The following SAXO1 variants were observed in gnomAD, a reference collection of about 807,000 sequenced individuals.
SAXO1 encodes the protein stabilizer of axonemal microtubules 1, also known as 4930500O09Rik.
In SAXO1, 21 loss-of-function variants were observed where a neutral mutation model predicts 17.5. The observed-to-expected ratio is 1.20, with a 90% CI of 0.85 to 1.72. The LOEUF (loss-of-function observed/expected upper bound fraction) is 1.72, where lower values mean the gene tolerates loss of function less well. Among genes scored for constraint, SAXO1 ranks in the 40% most tolerant of loss-of-function variants. SAXO1 has a pLI of 0.00. For synonymous variants in SAXO1, 274 were observed against 216.5 expected (o/e 1.27, Z -2.33); for missense variants, 843 against 596.0 (o/e 1.41, Z -4.32).
chr9:19,000,224 G>A (rs561876474), intron 1 of SAXO1, among the ~76,000 whole-genome samples: 2 of 150,002 alleles, frequency 1.3e-5, no homozygotes, highest in East Asian at 2.0e-4. Flanking sequence ...AAATGACTGG[G>A]AAGTGAGGAG....
At chr9:19,019,276 A>G (rs1588542280) in intron 1 of SAXO1, among the ~76,000 whole-genome samples, 3 of 152,164 alleles carry the variant, frequency 2.0e-5, no homozygotes, top group African/African-American at 2.4e-5. Flanking sequence ...GACATTAATG[A>G]CAAATTAAGA....
intron 1 of SAXO1, among the ~76,000 whole-genome samples, chr9:18,963,856 C>A (rs886808134): frequency 1.8e-4 from 28 of 152,282 alleles, no homozygotes; most frequent in African/African-American, 6.5e-4. Flanking sequence ...GAGAGGGCAT[C>A]CTTGTCTTGT....
chr9:18,937,309 G>T (rs1831341748), intron 3 of SAXO1, among the ~76,000 whole-genome samples: 1 of 152,188 alleles, frequency 6.6e-6, no homozygotes, highest in South Asian at 2.1e-4. Context: ...GATTTGTGTA[G>T]ATATGCCAAA....
At position 18,930,787 on chromosome 9, in the gene SAXO1, C is replaced by T. The variant is rs182327870; in HGVS notation, c.422-1732G>A. ...GTGCTGGGATCACAGGCGTGAGCCA[C>T]CACGCCCGGCCTACTGCTGGCATTC... On this transcript the variant is annotated intron_variant, in intron 3 of 3. Coordinates refer to ENST00000380534, the MANE Select transcript of SAXO1 (RefSeq NM_153707.4). 3.3e-5 allele frequency among the ~76,000 whole-genome samples: 5 copies of T among 152,352 alleles called. No individual in the cohort carries two copies. The East Asian group carries it at 7.7e-4, about 24-fold the overall frequency.
At chr9:18,945,287 C>T (rs946494254) in intron 2 of SAXO1, among the ~76,000 whole-genome samples, 1 of 152,214 alleles carries the variant, frequency 6.6e-6, no homozygotes, top group South Asian at 2.1e-4. Flanking sequence ...ACCGCTGCTT[C>T]TCAACCTTAT....
At chr9:18,930,139 T>G (rs1454626004) in intron 3 of SAXO1, among the ~76,000 whole-genome samples, 1 of 152,200 alleles carries the variant, frequency 6.6e-6, no homozygotes, top group Non-Finnish European at 1.5e-5. Context: ...GCATTTTATT[T>G]CCAGATGGAG....
intron 3 of SAXO1, among the ~76,000 whole-genome samples, chr9:18,930,344 T>C (rs1830987871): frequency 6.6e-6 from 1 of 152,154 alleles, no homozygotes; most frequent in Non-Finnish European, 1.5e-5. Context: ...CCTCCATGCA[T>C]CTTGAGGACC....
chr9:18,954,161 C>T (rs568262862), intron 1 of SAXO1, among the ~76,000 whole-genome samples: 14 of 152,258 alleles, frequency 9.2e-5, no homozygotes, highest in African/African-American at 3.4e-4. Context: ...AGTCTTTCCA[C>T]TCCAGAATTC....
intron 1 of SAXO1, among the ~76,000 whole-genome samples, chr9:18,989,939 G>T (rs937815012): frequency 1.3e-5 from 2 of 152,008 alleles, no homozygotes; most frequent in Non-Finnish European, 2.9e-5. Flanking sequence ...AATTTTTTTT[G>T]AATATGCACC....
intron 1 of SAXO1, among the ~76,000 whole-genome samples, chr9:18,987,181 G>T (rs539844800): frequency 6.6e-6 from 1 of 152,312 alleles, no homozygotes; most frequent in Admixed American, 6.5e-5. Context: ...ACAGTGTCAT[G>T]ATTTCATTGC....
At chr9:18,943,581 G>A (rs891536392) in intron 2 of SAXO1, among the ~76,000 whole-genome samples, 1 of 152,238 alleles carries the variant, frequency 6.6e-6, no homozygotes, top group East Asian at 1.9e-4. Flanking sequence ...TGGTCAGAAA[G>A]TGTACATTCT....
At chr9:18,932,706 C>A (rs914526551) in intron 3 of SAXO1, among the ~76,000 whole-genome samples, 2 of 152,166 alleles carry the variant, frequency 1.3e-5, no homozygotes, top group Non-Finnish European at 2.9e-5. Context: ...TTTAATTTCT[C>A]CCAGCAATCG....
chr9:18,997,791 C>T (rs1400719781), intron 1 of SAXO1, among the ~76,000 whole-genome samples: 5 of 152,202 alleles, frequency 3.3e-5, no homozygotes, highest in Admixed American at 3.3e-4. Context: ...GCAATATTTG[C>T]TGTTCTGAAG....
chr9:19,003,967 G>A (rs2130966442), intron 1 of SAXO1, among the ~76,000 whole-genome samples: 1 of 152,150 alleles, frequency 6.6e-6, no homozygotes, highest in Middle Eastern at 3.4e-3. Flanking sequence ...CACAGAATGG[G>A]AGAAAAATTT....
intron 1 of SAXO1, among the ~76,000 whole-genome samples, chr9:19,003,315 T>C (rs1011110274): frequency 6.6e-6 from 1 of 152,218 alleles, no homozygotes; most frequent in African/African-American, 2.4e-5. Context: ...ATGGCCATAC[T>C]GCCCAAAGTA....
intron 1 of SAXO1, among the ~76,000 whole-genome samples, chr9:18,985,224 C>G (rs780643000): frequency 6.6e-6 from 1 of 151,854 alleles, no homozygotes; most frequent in Non-Finnish European, 1.5e-5. Context: ...TCATGGCACC[C>G]TAAAAGAATT....
chr9:18,962,155 C>T (rs191636342), intron 1 of SAXO1, among the ~76,000 whole-genome samples: 30 of 152,302 alleles, frequency 2.0e-4, no homozygotes, highest in African/African-American at 7.0e-4. Context: ...TCAACCTCCA[C>T]CTCCTAGGTT....
chr9:18,985,983 G>A (rs1289888054), intron 1 of SAXO1, among the ~76,000 whole-genome samples: 1 of 152,124 alleles, frequency 6.6e-6, no homozygotes, highest in Non-Finnish European at 1.5e-5. Context: ...TTACTCCCTA[G>A]AGACAGTAAT....
At chr9:19,018,157 G>A (rs1262932959) in intron 1 of SAXO1, among the ~76,000 whole-genome samples, 2 of 148,908 alleles carry the variant, frequency 1.3e-5, no homozygotes, top group African/African-American at 5.0e-5. Flanking sequence ...AACAGAGCAA[G>A]ACCCCATCTC....
Sources: allele counts gnomAD v4.1 joint callset (sites outside exome capture counted in the v4.1 genomes callset), GRCh38; gene constraint gnomAD v4.1.1; transcripts MANE v1.5; gene names NCBI Gene and HGNC (gene_info 2026-07-23, HGNC 2026-07-21).